The following CHN2 variants were observed in gnomAD, a reference collection of about 807,000 sequenced individuals.
CHN2 encodes beta-chimaerin.
In CHN2, 35 loss-of-function variants were observed where a neutral mutation model predicts 56.3. The ratio of observed to expected loss-of-function variants is 0.62; its 90% CI spans 0.47 to 0.82. The LOEUF is 0.82. Among genes scored for constraint, CHN2 ranks in the 40% least tolerant of loss-of-function variants. CHN2 has a pLI of 0.00. For missense variants in CHN2, 491 were observed against 580.5 expected (o/e 0.85, Z 1.58); for synonymous variants, 210 against 212.8 (o/e 0.99, Z 0.12).
chr7:29,460,976 G>A (rs765693794), intron 6 of CHN2, among the ~76,000 whole-genome samples: 8 of 152,160 alleles, frequency 5.3e-5, no homozygotes, highest in Non-Finnish European at 1.0e-4. Flanking sequence ...CTTGTCTCAC[G>A]ATGTTGTTCC....
intron 1 of CHN2, among the ~76,000 whole-genome samples, chr7:29,231,074 A>G (rs1171608581): frequency 6.6e-6 from 1 of 152,180 alleles, no homozygotes; most frequent in Admixed American, 6.5e-5. Context: ...CTGCATTGTG[A>G]TGAGCCTGGC....
intron 1 of CHN2, among the ~76,000 whole-genome samples, chr7:29,256,969 G>A (rs538808747): frequency 3.3e-5 from 5 of 152,276 alleles, no homozygotes; most frequent in African/African-American, 1.2e-4. Flanking sequence ...GGCCATCTGG[G>A]TAGCATGAGT....
chr7:29,486,853 A>G (rs1266796793), intron 7 of CHN2, among the ~76,000 whole-genome samples: 1 of 152,184 alleles, frequency 6.6e-6, no homozygotes, highest in Non-Finnish European at 1.5e-5. Flanking sequence ...ACGTGGCAGC[A>G]CCACCACCTC....
At chr7:29,398,905 T>C (rs1451366590) in intron 5 of CHN2, among the ~76,000 whole-genome samples, 10 of 152,032 alleles carry the variant, frequency 6.6e-5, no homozygotes, top group Admixed American at 6.6e-5. Context: ...CCTGGCCTCC[T>C]TTTAAAATTT....
intron 2 of CHN2, among the ~76,000 whole-genome samples, chr7:29,154,930 G>C (rs1298535096): frequency 6.6e-6 from 1 of 152,192 alleles, no homozygotes; most frequent in Non-Finnish European, 1.5e-5. Context: ...CATGTGGCTG[G>C]GGAAGCCTCA....
At chr7:29,199,725 G>A (rs1273328659) in intron 1 of CHN2, 2 of 152,180 alleles carry the variant, frequency 1.3e-5, no homozygotes, top group Non-Finnish European at 2.9e-5. Context: ...TACAGAGTCT[G>A]AGAGGTAAGG....
chr7:29,300,417 G>T (rs1385065300), intron 1 of CHN2, among the ~76,000 whole-genome samples: 1 of 152,170 alleles, frequency 6.6e-6, no homozygotes, highest in Non-Finnish European at 1.5e-5. Flanking sequence ...GGGTCAGGTA[G>T]TTCATTAGGG....
At chr7:29,476,460 C>G (rs1786594081) in intron 6 of CHN2, among the ~76,000 whole-genome samples, 1 of 151,464 alleles carries the variant, frequency 6.6e-6, no homozygotes, top group Non-Finnish European at 1.5e-5. Context: ...TCACTTGAAC[C>G]CGGGAGGCAG....
At chr7:29,239,990 T>A (rs1317659285) in intron 1 of CHN2, among the ~76,000 whole-genome samples, 1 of 152,198 alleles carries the variant, frequency 6.6e-6, no homozygotes. Flanking sequence ...CTCAAACATT[T>A]TTTCAAGACC....
In CHN2 at chr7:29,373,832, A is replaced by G. The variant is rs554986859; in HGVS notation, c.144+5845A>G. ...ATATCATTTTCAACTAACTCAGTAC[A>G]TTTTGAATCACAGATTTTAAATGAA... On this transcript the variant is annotated intron_variant, in intron 3 of 12. Coordinates refer to ENST00000222792, the MANE Select transcript of CHN2 (RefSeq NM_004067.4). 5.0e-3 allele frequency among the ~76,000 whole-genome samples: 759 copies of G among 152,298 alleles called. 3 individuals are homozygous for G. The highest frequency in any genetic ancestry group is 8.5e-3 in the Admixed American group (130 of 15,298).
intron 2 of CHN2, among the ~76,000 whole-genome samples, chr7:29,361,307 C>T (rs1002933302): frequency 1.3e-5 from 2 of 152,168 alleles, no homozygotes; most frequent in Admixed American, 1.3e-4. Context: ...TGGGCAGGCT[C>T]TCATTTGAAG....
intron 1 of CHN2, among the ~76,000 whole-genome samples, chr7:29,298,970 AT>A (rs1331426938): frequency 6.6e-6 from 1 of 152,152 alleles, no homozygotes; most frequent in Non-Finnish European, 1.5e-5. Context: ...AAGGATAACT[AT>A]TTTTACCAAG....
intron 1 of CHN2, among the ~76,000 whole-genome samples, chr7:29,235,106 G>T (rs1054960403): frequency 6.6e-6 from 1 of 152,016 alleles, no homozygotes; most frequent in Non-Finnish European, 1.5e-5. Flanking sequence ...GTCTTATTCT[G>T]ATCTTTGTTA....
intron 6 of CHN2, among the ~76,000 whole-genome samples, chr7:29,477,024 G>A (rs968163966): frequency 8.5e-5 from 13 of 152,148 alleles, no homozygotes; most frequent in Non-Finnish European, 1.6e-4. Flanking sequence ...ACATTACGGA[G>A]CATATAAAAT....
chr7:29,321,399 A>G (rs1795335179), intron 1 of CHN2, among the ~76,000 whole-genome samples: 1 of 152,008 alleles, frequency 6.6e-6, no homozygotes, highest in Admixed American at 6.6e-5. Flanking sequence ...CTGAAGGAGG[A>G]TATACCTCTA....
intron 1 of CHN2, among the ~76,000 whole-genome samples, chr7:29,342,421 G>A (rs1797112262): frequency 6.6e-6 from 1 of 152,102 alleles, no homozygotes; most frequent in African/African-American, 2.4e-5. Context: ...AATATACTAT[G>A]GCCAAAAAAA....
intron 1 of CHN2, among the ~76,000 whole-genome samples, chr7:29,315,865 A>G (rs1299875480): frequency 6.6e-6 from 1 of 152,208 alleles, no homozygotes; most frequent in African/African-American, 2.4e-5. Context: ...AGGGAGCTCT[A>G]AGATATCATG....
chr7:29,279,080 C>T (rs183701699), intron 1 of CHN2, among the ~76,000 whole-genome samples: 108 of 152,090 alleles, frequency 7.1e-4, no homozygotes, highest in African/African-American at 2.5e-3. Flanking sequence ...GTAGCTTGAG[C>T]GGCAGCATCG....
chr7:29,385,653 C>T (rs769882555), intron 3 of CHN2, among the ~76,000 whole-genome samples: 1 of 152,154 alleles, frequency 6.6e-6, no homozygotes, highest in Non-Finnish European at 1.5e-5. Flanking sequence ...GAGCAGAGAA[C>T]AATGTGACGA....
Sources: allele counts gnomAD v4.1 joint callset (sites outside exome capture counted in the v4.1 genomes callset), GRCh38; gene constraint gnomAD v4.1.1; transcripts MANE v1.5; gene names NCBI Gene and HGNC (gene_info 2026-07-23, HGNC 2026-07-21).